Variants in CNTNAP1 observed in about 807,000 individuals in gnomAD.
The protein encoded by CNTNAP1 is contactin-associated protein 1.
Under a neutral mutation model 161.5 loss-of-function variants are expected in CNTNAP1, and 80 were observed. The observed-to-expected ratio is 0.50, with a 90% CI of 0.41 to 0.60. CNTNAP1 has a LOEUF of 0.60. Ranked by LOEUF, CNTNAP1 falls within the 20% of genes least tolerant of loss-of-function variation. The probability of loss-of-function intolerance (pLI) is 0.00; values close to 1 mark genes in which losing one functional copy is unlikely to be tolerated. For synonymous variants in CNTNAP1, 695 were observed against 733.1 expected (o/e 0.95, Z 0.84); for missense variants, 1,464 against 1,854.8 (o/e 0.79, Z 3.87).
rs1388157342 is a variant in CNTNAP1 at position 42,685,283 on chromosome 17, G to A, written c.578G>A (p.Arg193Gln). ...ISYRFPRGVS[R>Q]SLWDVFAFSF... ...TACCGCTTCCCGCGAGGGGTCAGCC[G>A]AAGCCTGTGGGACGTGTTCGCCTTC... Residue 193 changes from arginine to glutamine, a missense_variant, in exon 5 of 24, where the codon CGA (arginine) becomes CAA (glutamine). Physicochemically the swap from Arg to Gln is conservative, Grantham distance 43 (BLOSUM62 1). Transcript: ENST00000264638. This position sits in a 1 kb window ranked among gnomAD's most constrained non-coding sequence, Gnocchi z 5.0. The A allele has an allele frequency of 3.1e-6, 5 of 1,613,528 alleles. No individual in the cohort carries two copies. The highest frequency in any genetic ancestry group is 4.2e-6 in the Non-Finnish European group (5 of 1,180,042).
chr17:42,696,058 G>T lies in CNTNAP1; in HGVS notation c.3380G>T (p.Ser1127Ile), dbSNP rs2053148368. The T allele has an allele frequency of 6.2e-7, 1 of 1,614,042 alleles. No individual in the cohort carries two copies. The highest frequency in any genetic ancestry group is 8.5e-7 in the Non-Finnish European group (1 of 1,180,040). Residue 1127 changes from serine (S) to isoleucine (I), a missense_variant, in exon 20 of 24, where the codon AGT becomes ATT. Coordinates refer to ENST00000264638, the MANE Select transcript of CNTNAP1 (RefSeq NM_003632.3). Reference sequence around the variant, plus strand: ...CAGCTGCGATATCAGCTGGGCACCAGTCCCTACGTGTACCAGCTAACCACT... The same window carrying T: ...CAGCTGCGATATCAGCTGGGCACCATTCCCTACGTGTACCAGCTAACCACT... ...TLQLRYQLGTSPYVYQLTTRP... is the reference protein window; with the variant it reads ...TLQLRYQLGTIPYVYQLTTRP...
At chr17:42,684,868 T>A (rs1192166719) in intron 3 of CNTNAP1, 123 bp from the exon 4 acceptor site, 2 of 1,139,180 alleles carry the variant, frequency 1.8e-6, no homozygotes, top group Non-Finnish European at 2.4e-6. Flanking sequence ...GAGGTTGCGG[T>A]GAGCCGAGAT....
At chr17:42,698,029 C>A (rs372383251) in intron 23 of CNTNAP1, 79 bp downstream of exon 23, 24 of 1,529,212 alleles carry the variant, frequency 1.6e-5, no homozygotes, top group South Asian at 9.0e-5. Flanking sequence ...CCCTGATCCC[C>A]AAGGCTGCAG....
chr17:42,687,649 G>A lies in CNTNAP1; in HGVS notation c.1045-71G>A, dbSNP rs1437953606. The A allele has an allele frequency of 1.3e-5, 21 of 1,572,786 alleles. No homozygotes were observed. The highest frequency in any genetic ancestry group is 1.8e-5 in the Non-Finnish European group (21 of 1,156,726). The stretch of plus-strand genomic sequence containing the variant: ...GCGGTGACCAGGGTCTTAGACCGGT[G>A]TGAAAACTGAATTCCCAGCTGAGGC... On this transcript the variant is annotated intron_variant, in intron 7 of 23. Coordinates refer to ENST00000264638, the MANE Select transcript of CNTNAP1 (RefSeq NM_003632.3). This position sits in a 1 kb window ranked among gnomAD's most constrained non-coding sequence, Gnocchi z 4.7.
In CNTNAP1 at chr17:42,685,059, C is replaced by A. The variant is rs1398761813; in HGVS notation, c.432C>A (p.Arg144=). Residue 144 remains arginine, a synonymous_variant, in exon 4 of 24, where the codon CGC becomes CGA. Transcript: ENST00000264638. This position sits in a 1 kb window ranked among gnomAD's most constrained non-coding sequence, Gnocchi z 5.0. ...ACCTGCACTTCCACTTCACTGCGCG[C>A]TACATCCGCATCGTGCCCCTGGCCT... is the stretch of plus-strand genomic sequence containing the variant. The part of the protein sequence containing the change: ...RHDLHFHFTA[R]YIRIVPLAWN... 2 of 1,585,398 alleles carry A rather than the reference C, an allele frequency of 1.3e-6. No homozygotes were observed. The highest frequency in any genetic ancestry group is 1.2e-5 in the South Asian group (1 of 85,768).
chr17:42,697,268 C>CCCCCGGTGGG lies in CNTNAP1; in HGVS notation c.3475-5_3475-4insCCCGGTGGGC. On this transcript the variant is annotated splice_polypyrimidine_tract_variant and splice_region_variant and intron_variant, in intron 20 of 23. Transcript: ENST00000264638. ...ATCGCCCTCCCCCTCCCCCTCCCCA[C>CCCCCGGTGGG]CTCAGGTGGACTACTTCCCACTGAC... 6.2e-7 allele frequency: 1 copy of CCCCCGGTGGG among 1,610,542 alleles called. No individual in the cohort carries two copies.
At chr17:42,682,998 C>G (rs1034848395) in intron 1 of CNTNAP1, 102 bp downstream of exon 1, 10 of 1,091,138 alleles carry the variant, frequency 9.2e-6, no homozygotes, top group South Asian at 3.1e-5. Context: ...GGGTCCTTCC[C>G]GGCCGGCGCG....
At chr17:42,694,008 G>A (rs1283977676) in intron 18 of CNTNAP1, among the ~76,000 whole-genome samples, 1 of 151,910 alleles carries the variant, frequency 6.6e-6, no homozygotes, top group Non-Finnish European at 1.5e-5. Flanking sequence ...CTACAGATGT[G>A]CACCACCATG....
rs1485639447 is a variant in CNTNAP1 at position 42,692,704 on chromosome 17, C to G, written c.2736C>G (p.Asp912Glu). 6.2e-7 allele frequency: 1 copy of G among 1,610,532 alleles called. No individual in the cohort carries two copies. Among genetic ancestry groups the G allele is most frequent in the Admixed American group, 1.7e-5 (1 of 59,942 alleles). ...PLQTYIWMEYDQPLYVGSAEL... is the reference protein window; with the variant it reads ...PLQTYIWMEYEQPLYVGSAEL... ...AGACCTACATCTGGATGGAGTATGA[C>G]CAGCCCCTCTATGTGGGTAAGCAGC... is the stretch of plus-strand genomic sequence containing the variant. The change falls in exon 17 of 24, where the codon GAC becomes GAG. Residue 912 changes from aspartate to glutamate, a missense_variant. This residue lies in a region of CNTNAP1 where 1,383 missense variants were observed against 1,765.0 expected (regional missense o/e 0.78). Transcript: ENST00000264638.
chr17:42,691,053 G>T lies in CNTNAP1; in HGVS notation c.2060-84G>T, dbSNP rs2053079947. ...CCTTGGGTTGGAAGATTCAAGGAGG[G>T]GTCTGAACTCGCTGGAAGGGCGAGA... is the stretch of plus-strand genomic sequence containing the variant. On this transcript the variant is annotated intron_variant, in intron 13 of 23. Transcript: ENST00000264638. The surrounding 1 kb of genome is among the most constrained non-coding windows in gnomAD (Gnocchi z 4.3). 1 of 1,596,090 alleles carries T rather than the reference G, an allele frequency of 6.3e-7. No homozygotes were observed. The highest frequency in any genetic ancestry group is 2.2e-5 in the East Asian group (1 of 44,726).
At position 42,683,876 on chromosome 17, in the gene CNTNAP1, C is replaced by T. The variant is rs1225374606; in HGVS notation, c.123C>T (p.Ser41=). The change falls in exon 2 of 24, where the codon TCC becomes TCT. Residue 41 remains serine (S), a synonymous_variant. Coordinates refer to ENST00000264638, the MANE Select transcript of CNTNAP1 (RefSeq NM_003632.3). The part of the protein sequence containing the change: ...GPLYARSLGA[S]SYYSLLTAPR... The stretch of plus-strand genomic sequence containing the variant: ...TGTATGCACGCTCCCTGGGCGCCTC[C>T]TCCTACTACAGTCTCCTTACTGCGC... 6.2e-7 allele frequency: 1 copy of T among 1,613,488 alleles called. No homozygotes were observed. Among genetic ancestry groups the T allele is most frequent in the East Asian group, 2.2e-5 (1 of 44,880 alleles).
Position 42,687,493 on chromosome 17 carries a change from G to A in CNTNAP1, c.1045-227G>A. 5.0e-6 allele frequency: 3 copies of A among 600,522 alleles called. No homozygotes were observed. The highest frequency in any genetic ancestry group is 5.8e-6 in the Non-Finnish European group (2 of 341,940). 37.2% of individuals were successfully genotyped at this position (600,522 alleles called of 1,614,324 possible). ...AAGCGGTCGAATCGCAGACGGTGGA[G>A]ATCAGCGAGAGCAAGCGAGCAGAGT... On this transcript the variant is annotated intron_variant, in intron 7 of 23. Coordinates refer to ENST00000264638, the MANE Select transcript of CNTNAP1 (RefSeq NM_003632.3). This position sits in a 1 kb window ranked among gnomAD's most constrained non-coding sequence, Gnocchi z 4.7.
Position 42,688,931 on chromosome 17 carries a change from T to C in CNTNAP1, c.1512T>C (p.His504=), listed in dbSNP as rs1351414729. Residue 504 remains histidine (H), a synonymous_variant, in exon 10 of 24, where the codon CAT becomes CAC. Coordinates refer to ENST00000264638, the MANE Select transcript of CNTNAP1 (RefSeq NM_003632.3). ...WDCHSNQTAF[H]GCMELLKVDG... is the part of the protein sequence containing the mutation. ...GCCACTCCAACCAGACGGCATTCCA[T>C]GGCTGCATGGAGCTGCTCAAGGTGG... is the stretch of plus-strand genomic sequence containing the variant. 14 of 1,613,996 alleles carry C rather than the reference T, an allele frequency of 8.7e-6. No homozygotes were observed. The highest frequency in any genetic ancestry group is 1.3e-5 in the African/African-American group (1 of 74,900).
chr17:42,685,239 C>T lies in CNTNAP1; in HGVS notation c.534C>T (p.Asp178=), dbSNP rs140590172. The change falls in exon 5 of 24, where the codon GAC becomes GAT. Residue 178 remains aspartate (D), a synonymous_variant. Transcript: ENST00000264638. The surrounding 1 kb of genome is among the most constrained non-coding windows in gnomAD (Gnocchi z 5.0). ...CAGAGGCCGACATACTCTATTTCGA[C>T]GGCGACGATGCCATCTCCTACCGCT... The part of the protein sequence containing the change: ...CPYKADILYF[D]GDDAISYRFP... 3.7e-5 allele frequency: 60 copies of T among 1,613,676 alleles called. No homozygotes were observed. The highest frequency in any genetic ancestry group is 1.3e-4 in the African/African-American group (10 of 74,936).
Position 42,692,616 on chromosome 17 carries a change from A to G in CNTNAP1, c.2648A>G (p.Asn883Ser). ...TGGCACCTGGTCCGGGCTGAAATCA[A>G]CGTGAAGCAGGCCCGGCTCCGAGTG... ...DEWHLVRAEI[N>S]VKQARLRVDH... The change falls in exon 17 of 24, where the codon AAC becomes AGC. Residue 883 changes from asparagine (N) to serine (S), a missense_variant. Asn to Ser is a conservative substitution (Grantham distance 46). Transcript: ENST00000264638. 3 of 1,614,212 alleles carry G rather than the reference A, an allele frequency of 1.9e-6. No individual in the cohort carries two copies. The highest frequency in any genetic ancestry group is 2.5e-6 in the Non-Finnish European group (3 of 1,180,030).
chr17:42,688,010 A>C (rs2053039948), intron 8 of CNTNAP1, 29 bp downstream of exon 8: 1 of 1,603,850 alleles, frequency 6.2e-7, no homozygotes, highest in Non-Finnish European at 8.5e-7. Flanking sequence ...AGGCACAAGA[A>C]GAGAAGAGAA....
In CNTNAP1 at chr17:42,697,376, C is replaced by T. The variant is rs758252855; in HGVS notation, c.3568+9C>T. 17 of 1,613,334 alleles carry T rather than the reference C, an allele frequency of 1.1e-5. No individual in the cohort carries two copies. Among genetic ancestry groups the T allele is most frequent in the Middle Eastern group, 3.3e-4 (2 of 6,082 alleles). On this transcript the variant is annotated intron_variant, in intron 21 of 23. Coordinates refer to ENST00000264638, the MANE Select transcript of CNTNAP1 (RefSeq NM_003632.3). ...TTTAGGGCGTGTGATGGGTAAGCTGCGGGTGCGGACGCGTTTTAGGCAAGG... is the reference window on the plus strand; with the variant it reads ...TTTAGGGCGTGTGATGGGTAAGCTGTGGGTGCGGACGCGTTTTAGGCAAGG...
At position 42,691,934 on chromosome 17, in the gene CNTNAP1, A is replaced by G. The variant is rs761482950; in HGVS notation, c.2473A>G (p.Asn825Asp). The G allele has an allele frequency of 4.8e-5, 78 of 1,613,746 alleles. No individual in the cohort carries two copies. In the Admixed American group the frequency reaches 5.2e-4, roughly 11 times the overall value. Residue 825 changes from asparagine (N) to aspartate (D), a missense_variant, in exon 16 of 24, where the codon AAT (asparagine) becomes GAT (aspartate). Physicochemically the swap from Asn to Asp is conservative, Grantham distance 23 (BLOSUM62 1). Around this residue, in one of 3 missense-constraint regions of CNTNAP1, gnomAD observed 1,383 missense variants for 1,765.0 expected, o/e 0.78. Transcript: ENST00000264638. The surrounding 1 kb of genome is among the most constrained non-coding windows in gnomAD (Gnocchi z 4.3). ...TGCTCCCTCGGGGGTCTTCCTAGAG[A>G]ATATGGGGGGCCCTTACTGCCAGTG... The part of the protein sequence containing the change: ...TSAPSGVFLE[N>D]MGGPYCQWRR...
chr17:42,694,276 A>C (rs2143671720), intron 18 of CNTNAP1, among the ~76,000 whole-genome samples: 1 of 151,260 alleles, frequency 6.6e-6, no homozygotes, highest in South Asian at 2.1e-4. Context: ...GGCTGAAGCG[A>C]TTCTCCTGCC....
Sources: allele counts gnomAD v4.1 joint callset (sites outside exome capture counted in the v4.1 genomes callset), GRCh38; gene constraint gnomAD v4.1.1; regional missense constraint gnomAD v4.1.1; non-coding constraint Gnocchi (gnomAD v3.1); transcripts MANE v1.5; gene names NCBI Gene and HGNC (gene_info 2026-07-23, HGNC 2026-07-21).